The following OGFRL1 variants were observed in gnomAD, a reference collection of about 807,000 sequenced individuals.
OGFRL1 encodes opioid growth factor receptor-like protein 1.
Under a neutral mutation model 32.4 loss-of-function variants are expected in OGFRL1, and 26 were observed. The ratio of observed to expected loss-of-function variants is 0.80; its 90% CI spans 0.59 to 1.11. The LOEUF (loss-of-function observed/expected upper bound fraction) is 1.11. Ranked by LOEUF, OGFRL1 falls within the 50% of genes most tolerant of loss-of-function variation. The pLI, the probability that OGFRL1 is intolerant of heterozygous loss-of-function variation, is 0.00. For missense variants in OGFRL1, 521 were observed against 546.4 expected, an observed-to-expected ratio of 0.95 and a Z score of 0.46; for synonymous variants, 211 against 201.2, an observed-to-expected ratio of 1.05 and a Z score of -0.41.
Position 71,303,267 on chromosome 6 carries a change from G to C in OGFRL1, c.*1218G>C, listed in dbSNP as rs944257529. 1 of 152,098 alleles carries C rather than the reference G, an allele frequency of 6.6e-6. No individual in the cohort carries two copies. The highest frequency in any genetic ancestry group is 2.4e-5 in the African/African-American group (1 of 41,400). 9.4% of individuals were successfully genotyped at this position (152,098 alleles called of 1,614,324 possible). A position where few individuals can be genotyped will look rare whatever the true frequency, so the allele number is the denominator to read the frequency against. On this transcript the variant is annotated 3_prime_UTR_variant, in exon 7 of 7. Transcript: ENST00000370435. ...AGGGACTTGAGCATTCCTAGATTTT[G>C]GTAACTGCAGAGGGTCCTGGAACCA...
At chr6:71,293,417 A>G (rs757123090) in intron 2 of OGFRL1, 38 bp downstream of exon 2, 1 of 1,595,610 alleles carries the variant, frequency 6.3e-7, no homozygotes, top group South Asian at 1.1e-5. Context: ...ACTGTAAACT[A>G]TTTTCCTTCT....
rs1300961262 is a variant in OGFRL1 at position 71,307,453 on chromosome 6, T to C, written c.*5404T>C. 2 of 152,212 alleles carry C rather than the reference T, an allele frequency of 1.3e-5. No homozygotes were observed. Among genetic ancestry groups the C allele is most frequent in the Admixed American group, 6.5e-5 (1 of 15,282 alleles). 9.4% of individuals were successfully genotyped at this position (152,212 alleles called of 1,614,324 possible). Reference sequence around the variant, plus strand: ...GTTGGGCATTAGTAAATTGTAGTTATATCTTAACGATCTTGGGAATCATTG... The same window carrying C: ...GTTGGGCATTAGTAAATTGTAGTTACATCTTAACGATCTTGGGAATCATTG... On this transcript the variant is annotated 3_prime_UTR_variant, in exon 7 of 7. Transcript: ENST00000370435.
chr6:71,298,958 A>G (rs1454043512), intron 6 of OGFRL1, among the ~76,000 whole-genome samples: 1 of 152,210 alleles, frequency 6.6e-6, no homozygotes, highest in African/African-American at 2.4e-5. Flanking sequence ...GAGGAAAAAT[A>G]TTGAATCAAA....
rs1395242573 is a variant in OGFRL1, at chr6:71,301,722, CA to C, written c.1035del (p.Ala346ProfsTer13). 1 of 1,613,754 alleles carries C rather than the reference CA, an allele frequency of 6.2e-7. No individual in the cohort carries two copies. Among genetic ancestry groups the C allele is most frequent in the Admixed American group, 1.7e-5 (1 of 59,960 alleles). ...GTCATAACAGTCAAACTTCTATGCA[CA>C]AAAAAGCCAAGGACTCCAAAAATTC... ...SSHNSQTSMHKKAKDSKNSSS... is the reference protein window; with the variant it reads ...SSHNSQTSMHXKAKDSKNSSS... On this transcript the variant is annotated frameshift_variant, in exon 7 of 7. Transcript: ENST00000370435. LOFTEE classifies it low-confidence loss of function (END_TRUNC).
At position 71,301,779 on chromosome 6, in the gene OGFRL1, A is replaced by T. The variant is rs1766402382; in HGVS notation, c.1086A>T (p.Thr362=). 1 of 1,613,820 alleles carries T rather than the reference A, an allele frequency of 6.2e-7. No homozygotes were observed. Among genetic ancestry groups the T allele is most frequent in the African/African-American group, 1.3e-5 (1 of 74,884 alleles). ...SSSAVHLNSK[T]AEDKKVAPKE... is the part of the protein sequence containing the mutation. Reference sequence around the variant, plus strand: ...CAGCTGTTCATTTAAATAGCAAAACAGCTGAAGACAAAAAAGTGGCACCAA... The same window carrying T: ...CAGCTGTTCATTTAAATAGCAAAACTGCTGAAGACAAAAAAGTGGCACCAA... The change falls in exon 7 of 7, where the codon ACA becomes ACT. Residue 362 remains threonine (T), a synonymous_variant. Coordinates refer to ENST00000370435, the MANE Select transcript of OGFRL1 (RefSeq NM_024576.5).
chr6:71,306,743 T>C lies in OGFRL1; in HGVS notation c.*4694T>C, dbSNP rs1766562765. On this transcript the variant is annotated 3_prime_UTR_variant, in exon 7 of 7. Coordinates refer to ENST00000370435, the MANE Select transcript of OGFRL1 (RefSeq NM_024576.5). ...GAAAGACTAACTATACTGTCTGTTA[T>C]ATTTATTTATGCTTTTTGTAGTTTA... 2 of 152,218 alleles carry C rather than the reference T, an allele frequency of 1.3e-5. No homozygotes were observed. Among genetic ancestry groups the C allele is most frequent in the African/African-American group, 4.8e-5 (2 of 41,458 alleles). 9.4% of individuals were successfully genotyped at this position (152,218 alleles called of 1,614,324 possible).
At chr6:71,294,988 A>G (rs1203371586) in intron 3 of OGFRL1, among the ~76,000 whole-genome samples, 1 of 152,164 alleles carries the variant, frequency 6.6e-6, no homozygotes, top group Admixed American at 6.6e-5. Flanking sequence ...CAATATATTG[A>G]ATTTTTGGTA....
rs776521370 is a variant in OGFRL1, at chr6:71,296,367, CTG to C, written c.452_453del (p.Leu151ArgfsTer29). Reference protein sequence around the residue: ...LSKWKGDYEKLEHNHTYIQWL... With the variant: ...LSKWKGDYEKXEHNHTYIQWL... ...TAAATGGAAAGGAGATTATGAAAAA[CTG>C]GAGCACAACCACACTTACATTCAAT... On this transcript the variant is annotated frameshift_variant, in exon 4 of 7. Coordinates refer to ENST00000370435, the MANE Select transcript of OGFRL1 (RefSeq NM_024576.5). LOFTEE classifies it high-confidence loss of function. The C allele has an allele frequency of 6.2e-7, 1 of 1,611,534 alleles. No homozygotes were observed. Among genetic ancestry groups the C allele is most frequent in the Non-Finnish European group, 8.5e-7 (1 of 1,178,070 alleles).
intron 6 of OGFRL1, 123 bp from the exon 7 acceptor site, chr6:71,301,263 G>A (rs1766375341): frequency 1.2e-6 from 1 of 813,674 alleles, no homozygotes. Context: ...GCATTAGGAA[G>A]TCATTACACA....
intron 1 of OGFRL1, chr6:71,289,680 T>G: frequency 4.1e-6 from 4 of 983,292 alleles, no homozygotes; most frequent in Non-Finnish European, 4.8e-6. Flanking sequence ...CTGAAGTTCA[T>G]ACGTCACTGT....
In OGFRL1 at chr6:71,289,117, C is replaced by A. The variant is rs960298418; in HGVS notation, c.181C>A (p.Pro61Thr). The A allele has an allele frequency of 7.2e-6, 8 of 1,111,082 alleles. 1 individual carries two copies. In the African/African-American group the frequency reaches 1.3e-4, roughly 19 times the overall value. The allele number at this position is 1,111,082 out of a possible 1,614,324, so 68.8% of individuals were successfully genotyped here. Residue 61 changes from proline to threonine, a missense_variant, in exon 1 of 7, where the codon CCC becomes ACC. By Grantham distance (38) the Pro-to-Thr change is conservative. Transcript: ENST00000370435. ...AQPPEQAGGR[P>T]GASPAPDEDA... ...GCCCCCGGAGCAAGCCGGCGGGCGG[C>A]CCGGCGCCAGCCCCGCGCCGGACGA...
At chr6:71,297,375 A>AC (rs1313016485) in intron 6 of OGFRL1, among the ~76,000 whole-genome samples, 1 of 152,168 alleles carries the variant, frequency 6.6e-6, no homozygotes, top group Non-Finnish European at 1.5e-5. Context: ...AAGTCCCAAA[A>AC]CTTATGAAGA....
intron 1 of OGFRL1, chr6:71,289,577 A>G: frequency 1.0e-6 from 1 of 973,094 alleles, no homozygotes; most frequent in Non-Finnish European, 1.2e-6. Context: ...AAAAAAAAAA[A>G]AAATTACTCA....
At chr6:71,289,528 C>A in intron 1 of OGFRL1, 1 of 853,674 alleles carries the variant, frequency 1.2e-6, no homozygotes, top group Non-Finnish European at 1.4e-6. Context: ...TTTGACAACC[C>A]CTCTAGTGTG....
In OGFRL1 at chr6:71,306,446, A is replaced by G. The variant is rs1766553707; in HGVS notation, c.*4397A>G. ...CCTTATTATTGAAATGAATAATAAT[A>G]TAGCTATAAATATGAATGTCTGGAG... On this transcript the variant is annotated 3_prime_UTR_variant, in exon 7 of 7. Coordinates refer to ENST00000370435, the MANE Select transcript of OGFRL1 (RefSeq NM_024576.5). 1.3e-5 allele frequency: 2 copies of G among 152,218 alleles called. No individual in the cohort carries two copies. Among genetic ancestry groups the G allele is most frequent in the Admixed American group, 6.5e-5 (1 of 15,280 alleles). 9.4% of individuals were successfully genotyped at this position (152,218 alleles called of 1,614,324 possible). A position where few individuals can be genotyped will look rare whatever the true frequency, so the allele number is the denominator to read the frequency against.
At position 71,304,490 on chromosome 6, in the gene OGFRL1, T is replaced by C. The variant is rs1766488412; in HGVS notation, c.*2441T>C. ...TAACTTACCAATTTTATATACATGA[T>C]AAAGTATTCAGACAACTTTCTAAAT... On this transcript the variant is annotated 3_prime_UTR_variant, in exon 7 of 7. Transcript: ENST00000370435. 6.6e-6 allele frequency: 1 copy of C among 152,086 alleles called. No homozygotes were observed. The highest frequency in any genetic ancestry group is 6.6e-5 in the Admixed American group (1 of 15,262). The allele number at this position is 152,086 out of a possible 1,614,324, so 9.4% of individuals were successfully genotyped here.
intron 6 of OGFRL1, among the ~76,000 whole-genome samples, chr6:71,299,536 A>G (rs1766319271): frequency 1.3e-5 from 2 of 152,216 alleles, no homozygotes; most frequent in African/African-American, 4.8e-5. Context: ...AAGATTGGCT[A>G]TATAAAATTG....
intron 4 of OGFRL1, 36 bp from the exon 5 acceptor site, chr6:71,296,459 G>T: frequency 6.3e-7 from 1 of 1,593,906 alleles, no homozygotes; most frequent in South Asian, 1.1e-5. Context: ...TCCAGACAAC[G>T]TTAATAGAAA....
At position 71,288,889 on chromosome 6, in the gene OGFRL1, G is replaced by C. The variant is rs759905854; in HGVS notation, c.-48G>C. On this transcript the variant is annotated 5_prime_UTR_variant, in exon 1 of 7. Transcript: ENST00000370435. ...CCCGGGCCCTAGAGCGCCTGCCGCA[G>C]CTTGCGCCCCGCAGCCCCGCAGCCC... The C allele has an allele frequency of 2.5e-4, 303 of 1,219,104 alleles. 5 individuals carry two copies. In the South Asian group the frequency reaches 5.1e-3, roughly 20 times the overall value. 75.5% of individuals were successfully genotyped at this position (1,219,104 alleles called of 1,614,324 possible).
Sources: allele counts gnomAD v4.1 joint callset (sites outside exome capture counted in the v4.1 genomes callset), GRCh38; gene constraint gnomAD v4.1.1; transcripts MANE v1.5; gene names NCBI Gene and HGNC (gene_info 2026-07-23, HGNC 2026-07-21).